LDLRAD4: variants seen among roughly 807,000 people sequenced by gnomAD.
LDLRAD4 encodes low density lipoprotein receptor class A domain containing 4, also known as low-density lipoprotein receptor class A domain-containing protein 4.
LDLRAD4 carries 5 observed loss-of-function variants against 17.0 expected under a neutral mutation model. That is an observed-to-expected ratio of 0.29 (90% CI 0.15 to 0.62). The LOEUF (loss-of-function observed/expected upper bound fraction) is 0.62. Ranked by LOEUF, LDLRAD4 falls within the 20% of genes least tolerant of loss-of-function variation. LDLRAD4 has a pLI of 0.84. For synonymous variants in LDLRAD4, 168 were observed against 171.8 expected (o/e 0.98, Z 0.17); for missense variants, 340 against 424.7 (o/e 0.80, Z 1.75).
chr18:13,436,111 G>A (rs559876879), intron 2 of LDLRAD4, among the ~76,000 whole-genome samples: 2 of 152,352 alleles, frequency 1.3e-5, no homozygotes, highest in East Asian at 1.9e-4. Context: ...CGGCCCTCTA[G>A]ATTATGAAGG....
chr18:13,564,358 T>C (rs1318541833), intron 3 of LDLRAD4, among the ~76,000 whole-genome samples: 1 of 151,766 alleles, frequency 6.6e-6, no homozygotes, highest in Non-Finnish European at 1.5e-5. Flanking sequence ...TAAAGGTAAA[T>C]TGCACATCTC....
At chr18:13,525,182 T>G (rs1002174546) in intron 3 of LDLRAD4, among the ~76,000 whole-genome samples, 9 of 152,208 alleles carry the variant, frequency 5.9e-5, no homozygotes, top group African/African-American at 2.2e-4. Flanking sequence ...TGTTGAGCCC[T>G]GACTGTCCCA....
intron 3 of LDLRAD4, among the ~76,000 whole-genome samples, chr18:13,609,839 C>T (rs1178346033): frequency 2.6e-5 from 4 of 152,008 alleles, no homozygotes; most frequent in East Asian, 1.9e-4. Context: ...AAAATTAGCC[C>T]GGCATGTTGG....
intron 3 of LDLRAD4, among the ~76,000 whole-genome samples, chr18:13,454,973 G>A (rs1274838140): frequency 2.6e-5 from 4 of 152,258 alleles, no homozygotes; most frequent in Non-Finnish European, 5.9e-5. Context: ...CTCAGTCCGC[G>A]TTTGTTGAGT....
chr18:13,568,300 A>G (rs114130398), intron 3 of LDLRAD4, among the ~76,000 whole-genome samples: 1,680 of 151,988 alleles, frequency 0.011, 36 homozygotes, highest in African/African-American at 0.039. Flanking sequence ...TTTACAAAAA[A>G]AAAAAAAAGA....
chr18:13,480,200 G>A (rs1002555516), intron 3 of LDLRAD4, among the ~76,000 whole-genome samples: 5 of 152,238 alleles, frequency 3.3e-5, no homozygotes, highest in Admixed American at 3.3e-4. Flanking sequence ...CTAAACTGTG[G>A]TACATCCAGA....
chr18:13,484,016 G>A (rs1372605139), intron 3 of LDLRAD4: 1 of 152,238 alleles, frequency 6.6e-6, no homozygotes, highest in Non-Finnish European at 1.5e-5. Context: ...AGATGTCTAT[G>A]TTCTCTTTCC....
intron 2 of LDLRAD4, among the ~76,000 whole-genome samples, chr18:13,413,983 T>A (rs2088623551): frequency 6.6e-6 from 1 of 151,872 alleles, no homozygotes; most frequent in African/African-American, 2.4e-5. Flanking sequence ...ATACCCGAGG[T>A]TTTCTTGTTT....
In LDLRAD4 at chr18:13,469,026, G is replaced by A. The variant is rs116507931; in HGVS notation, c.181+30642G>A. ...AATAATAAAAAAAGAACTACTAAAA[G>A]ACTCAACAACAAAAGGACAAATAAC... On this transcript the variant is annotated intron_variant, in intron 3 of 5. Transcript: ENST00000359446. Among the ~76,000 whole-genome samples, 1,045 of 152,094 alleles carry A rather than the reference G, an allele frequency of 6.9e-3. 16 individuals are homozygous for A. Among genetic ancestry groups the A allele is most frequent in the African/African-American group, 0.024 (985 of 41,466 alleles).
intron 3 of LDLRAD4, among the ~76,000 whole-genome samples, chr18:13,453,433 T>C (rs2091952734): frequency 6.6e-6 from 1 of 152,298 alleles, no homozygotes; most frequent in East Asian, 1.9e-4. Flanking sequence ...GCAGCTCCGC[T>C]ACTCCGTAGT....
chr18:13,619,914 C>T (rs893903169), intron 3 of LDLRAD4, among the ~76,000 whole-genome samples: 1 of 152,054 alleles, frequency 6.6e-6, no homozygotes, highest in Non-Finnish European at 1.5e-5. Context: ...TCTCAAGACA[C>T]CAGCGCCTCT....
At chr18:13,448,962 A>AC (rs1401989468) in intron 3 of LDLRAD4, among the ~76,000 whole-genome samples, 1 of 151,982 alleles carries the variant, frequency 6.6e-6, no homozygotes, top group African/African-American at 2.4e-5. Flanking sequence ...TGGGAAAGAA[A>AC]CCCCAACAAC....
At chr18:13,334,578 A>G (rs988957757) in intron 1 of LDLRAD4, among the ~76,000 whole-genome samples, 3 of 152,160 alleles carry the variant, frequency 2.0e-5, no homozygotes, top group Non-Finnish European at 2.9e-5. Flanking sequence ...GAATCTTGCT[A>G]TAGTTGCTTA....
chr18:13,595,886 T>A (rs1298864028), intron 3 of LDLRAD4, among the ~76,000 whole-genome samples: 1 of 152,250 alleles, frequency 6.6e-6, no homozygotes, highest in Non-Finnish European at 1.5e-5. Flanking sequence ...GTTAGGTTTA[T>A]TTGGCTTCTA....
At chr18:13,311,533 G>A (rs1275713727) in intron 1 of LDLRAD4, among the ~76,000 whole-genome samples, 2 of 152,186 alleles carry the variant, frequency 1.3e-5, no homozygotes, top group African/African-American at 2.4e-5. Context: ...TCAGAACGCC[G>A]GCCACACTGG....
At chr18:13,321,377 A>T (rs1264431494) in intron 1 of LDLRAD4, among the ~76,000 whole-genome samples, 2 of 152,158 alleles carry the variant, frequency 1.3e-5, no homozygotes. Context: ...TTAAAACCAT[A>T]GTTTATTTGG....
chr18:13,352,063 TC>T (rs1251094344), intron 1 of LDLRAD4, among the ~76,000 whole-genome samples: 4 of 152,102 alleles, frequency 2.6e-5, no homozygotes, highest in African/African-American at 7.2e-5. Context: ...AAATTCAACA[TC>T]CCTTTGTGTT....
chr18:13,463,867 T>C (rs951450953), intron 3 of LDLRAD4, among the ~76,000 whole-genome samples: 1 of 152,264 alleles, frequency 6.6e-6, no homozygotes, highest in African/African-American at 2.4e-5. Flanking sequence ...ACTTGTTCTT[T>C]GGCATAATTT....
intron 2 of LDLRAD4, among the ~76,000 whole-genome samples, chr18:13,394,665 G>A (rs760670409): frequency 2.0e-5 from 3 of 152,210 alleles, no homozygotes; most frequent in African/African-American, 2.4e-5. Context: ...CTGGGTGTTA[G>A]GGCTGATAGC....
Sources: gnomAD v4.1 joint callset for allele counts (sites outside exome capture counted in the v4.1 genomes callset) on GRCh38, gnomAD v4.1.1 for gene constraint, MANE v1.5 for transcripts, NCBI Gene and HGNC (gene_info 2026-07-23, HGNC 2026-07-21) for gene names.